The following FTO variants were observed in gnomAD, a reference collection of about 807,000 sequenced individuals.
The protein encoded by FTO is alpha-ketoglutarate-dependent dioxygenase FTO.
Under a neutral mutation model 63.9 loss-of-function variants are expected in FTO, and 47 were observed. The ratio of observed to expected loss-of-function variants is 0.74; its 90% CI spans 0.58 to 0.94. The LOEUF is 0.94. Ranked by LOEUF, FTO falls within the 40% of genes least tolerant of loss-of-function variation. The pLI, the probability that FTO is intolerant of heterozygous loss-of-function variation, is 0.00. For synonymous variants in FTO, 207 were observed against 224.4 expected (o/e 0.92, Z 0.69); for missense variants, 562 against 618.1 (o/e 0.91, Z 0.96).
At chr16:53,843,100 G>A (rs2079521534) in intron 3 of FTO, among the ~76,000 whole-genome samples, 2 of 152,122 alleles carry the variant, frequency 1.3e-5, no homozygotes, top group South Asian at 2.1e-4. Context: ...TGTCTGGAGA[G>A]ATCATAATTT....
chr16:54,050,098 C>T (rs1458831287), intron 8 of FTO, among the ~76,000 whole-genome samples: 1 of 152,050 alleles, frequency 6.6e-6, no homozygotes, highest in Non-Finnish European at 1.5e-5. Flanking sequence ...CTCCTGGCTG[C>T]CTGGGGAACA....
Position 54,112,458 on chromosome 16 carries a change from T to G in FTO, c.*543T>G, listed in dbSNP as rs933491092. On this transcript the variant is annotated 3_prime_UTR_variant, in exon 9 of 9. Coordinates refer to ENST00000471389, the MANE Select transcript of FTO (RefSeq NM_001080432.3). ...ACATTTCAAGTGCTTAACAGCCTCA[T>G]GTGGCTAGTGACTGCTGTATTGGAC... 5 of 173,670 alleles carry G rather than the reference T, an allele frequency of 2.9e-5. No homozygotes were observed. Among genetic ancestry groups the G allele is most frequent in the Non-Finnish European group, 6.2e-5 (5 of 80,482 alleles). 10.8% of individuals were successfully genotyped at this position (173,670 alleles called of 1,614,324 possible).
At chr16:53,855,817 A>G (rs1026915781) in intron 4 of FTO, among the ~76,000 whole-genome samples, 2 of 152,236 alleles carry the variant, frequency 1.3e-5, no homozygotes, top group Non-Finnish European at 2.9e-5. Context: ...CAGTATCTGG[A>G]TCCATCTGTA....
At chr16:54,035,457 C>T (rs2084923286) in intron 8 of FTO, among the ~76,000 whole-genome samples, 1 of 152,188 alleles carries the variant, frequency 6.6e-6, no homozygotes, top group Non-Finnish European at 1.5e-5. Context: ...GATAGCAGAA[C>T]TCCTCCCCTG....
chr16:53,989,964 TTTC>T (rs1393206618), intron 8 of FTO, among the ~76,000 whole-genome samples: 1 of 152,336 alleles, frequency 6.6e-6, no homozygotes, highest in African/African-American at 2.4e-5. Context: ...TTCTTAACAT[TTTC>T]TTTTCTCTAG....
chr16:54,058,123 G>A (rs1440978606), intron 8 of FTO, among the ~76,000 whole-genome samples: 1 of 151,828 alleles, frequency 6.6e-6, no homozygotes, highest in Non-Finnish European at 1.5e-5. Context: ...ATTTTTTGAG[G>A]GGGGAGACAG....
chr16:54,017,112 T>C (rs1348414181), intron 8 of FTO, among the ~76,000 whole-genome samples: 2 of 152,150 alleles, frequency 1.3e-5, no homozygotes, highest in Non-Finnish European at 2.9e-5. Flanking sequence ...AACCTCAAGA[T>C]AGAATTAGAC....
chr16:53,724,462 C>A (rs1264493381), intron 1 of FTO, among the ~76,000 whole-genome samples: 3 of 152,162 alleles, frequency 2.0e-5, no homozygotes, highest in African/African-American at 7.2e-5. Context: ...TCATTTGTAC[C>A]ACTAAATACT....
intron 8 of FTO, among the ~76,000 whole-genome samples, chr16:53,996,042 C>T (rs2083926602): frequency 1.3e-5 from 2 of 152,206 alleles, no homozygotes; most frequent in South Asian, 4.1e-4. Flanking sequence ...AGTGACAAGA[C>T]ATGATGCTGG....
chr16:53,826,554 T>C, intron 3 of FTO, 63 bp downstream of exon 3: 5 of 1,521,180 alleles, frequency 3.3e-6, no homozygotes, highest in Non-Finnish European at 4.6e-6. Context: ...TTGTTTAGGC[T>C]CTGGAGATAC....
chr16:53,877,820 A>G (rs1453620145), intron 5 of FTO, among the ~76,000 whole-genome samples: 1 of 151,958 alleles, frequency 6.6e-6, no homozygotes, highest in Non-Finnish European at 1.5e-5. Flanking sequence ...ATTATTCCAC[A>G]TCCCACCCCT....
intron 1 of FTO, among the ~76,000 whole-genome samples, chr16:53,802,015 C>T (rs143341376): frequency 2.4e-3 from 359 of 152,298 alleles, no homozygotes; most frequent in African/African-American, 8.1e-3. Flanking sequence ...CCGCCCACCT[C>T]GGCCTCCCAA....
At chr16:54,054,241 G>A (rs1486964092) in intron 8 of FTO, among the ~76,000 whole-genome samples, 1 of 152,138 alleles carries the variant, frequency 6.6e-6, no homozygotes, top group Admixed American at 6.5e-5. Context: ...GCTAGCATTA[G>A]AGAAATTAAC....
intron 1 of FTO, among the ~76,000 whole-genome samples, chr16:53,778,629 A>G (rs2077515170): frequency 6.6e-6 from 1 of 152,148 alleles, no homozygotes. Flanking sequence ...GAGTGGAATA[A>G]TAGTTTTATT....
At chr16:53,988,086 C>T (rs1345724799) in intron 8 of FTO, among the ~76,000 whole-genome samples, 1 of 152,114 alleles carries the variant, frequency 6.6e-6, no homozygotes, top group African/African-American at 2.4e-5. Context: ...CAGACAAAGT[C>T]ATTTATCTTA....
At chr16:53,918,303 G>A (rs1023920367) in intron 7 of FTO, among the ~76,000 whole-genome samples, 3 of 152,176 alleles carry the variant, frequency 2.0e-5, no homozygotes, top group African/African-American at 7.2e-5. Context: ...GCTATATGGT[G>A]TAGTCTGTTG....
At chr16:53,741,101 T>G (rs2076518698) in intron 1 of FTO, among the ~76,000 whole-genome samples, 1 of 152,220 alleles carries the variant, frequency 6.6e-6, no homozygotes, top group African/African-American at 2.4e-5. Flanking sequence ...TAAAATTGTT[T>G]CCCCAAATAA....
intron 1 of FTO, among the ~76,000 whole-genome samples, chr16:53,804,541 A>G (rs999845658): frequency 1.3e-5 from 2 of 152,188 alleles, no homozygotes; most frequent in Middle Eastern, 3.4e-3. Context: ...ATTTGTTGAA[A>G]TGGTTGAAAT....
intron 6 of FTO, among the ~76,000 whole-genome samples, chr16:53,886,009 C>T (rs990830348): frequency 1.3e-5 from 2 of 152,150 alleles, no homozygotes; most frequent in African/African-American, 2.4e-5. Flanking sequence ...CCTGCCATGG[C>T]CTCTTAAAGT....
Sources: gnomAD v4.1 joint callset for allele counts (sites outside exome capture counted in the v4.1 genomes callset) on GRCh38, gnomAD v4.1.1 for gene constraint, MANE v1.5 for transcripts, NCBI Gene and HGNC (gene_info 2026-07-23, HGNC 2026-07-21) for gene names.